MPND: variants seen among roughly 807,000 people sequenced by gnomAD.
MPND encodes MPN domain-containing protein.
MPND carries 56 observed loss-of-function variants against 59.2 expected under a neutral mutation model. The observed-to-expected ratio is 0.95, with a 90% confidence interval of 0.76 to 1.18. The LOEUF (loss-of-function observed/expected upper bound fraction) is 1.18, where lower values mean the gene tolerates loss of function less well. Ranked by LOEUF, MPND falls within the 50% of genes most tolerant of loss-of-function variation. The pLI, the probability that MPND is intolerant of heterozygous loss-of-function variation, is 0.00. For synonymous variants in MPND, 323 were observed against 291.9 expected, an observed-to-expected ratio of 1.11 and a Z score of -1.09; for missense variants, 671 against 676.0, an observed-to-expected ratio of 0.99 and a Z score of 0.08.
intron 3 of MPND, among the ~76,000 whole-genome samples, chr19:4,346,598 G>T (rs1055218357): frequency 6.6e-6 from 1 of 151,920 alleles, no homozygotes; most frequent in Non-Finnish European, 1.5e-5. Context: ...TGGATTTTTA[G>T]AAGAGATGAG....
rs954278350 is a variant in MPND at position 4,343,605 on chromosome 19, G to C, written c.7+5G>C. On this transcript the variant is annotated splice_donor_5th_base_variant and intron_variant, in intron 1 of 12. Transcript: ENST00000599840. Reference sequence around the variant, plus strand: ...GGGGAGGCGCGGCCATGGCAGGTACGGCGGGCCCAGCGGGGCGGAGGCGCG... The same window carrying C: ...GGGGAGGCGCGGCCATGGCAGGTACCGCGGGCCCAGCGGGGCGGAGGCGCG... The C allele has an allele frequency of 3.4e-6, 4 of 1,171,806 alleles. No homozygotes were observed. The highest frequency in any genetic ancestry group is 4.2e-5 in the South Asian group (1 of 23,764). The allele number at this position is 1,171,806 out of a possible 1,614,324, so 72.6% of individuals were successfully genotyped here.
chr19:4,343,663 A>AGGGGCGCGGGGCTGCAGT, intron 1 of MPND, 45 bp from the exon 2 acceptor site: 2 of 731,628 alleles, frequency 2.7e-6, no homozygotes, highest in Non-Finnish European at 3.4e-6. Context: ...GGGGCTGCAG[A>AGGGGCGCGGGGCTGCAGT]GCCGTGGGGC....
chr19:4,359,040 G>A, intron 11 of MPND, 123 bp from the exon 12 acceptor site: 1 of 657,830 alleles, frequency 1.5e-6, no homozygotes, highest in Non-Finnish European at 2.7e-6. Flanking sequence ...TGATCTCTTT[G>A]TGGTTGGTTT....
Position 4,358,088 on chromosome 19 carries a change from G to T in MPND, c.1242G>T (p.Arg414Ser), listed in dbSNP as rs1247829515. 1.3e-6 allele frequency: 2 copies of T among 1,551,388 alleles called. No homozygotes were observed. The change falls in exon 11 of 13, where the codon AGG (arginine) becomes AGT (serine). Residue 414 changes from arginine to serine, a missense_variant. Transcript: ENST00000599840. The part of the protein sequence containing the change: ...PFWVMPPPEQ[R>S]PSDYGIPMDV... ...CTGGTCTGTGTCCCTGCCAGCAAAG[G>T]CCCAGTGACTATGGCATCCCCATGG...
chr19:4,356,098 C>G (rs1157640919), intron 8 of MPND, among the ~76,000 whole-genome samples: 2 of 151,790 alleles, frequency 1.3e-5, no homozygotes, highest in African/African-American at 4.8e-5. Flanking sequence ...GTGATCCACC[C>G]GCGTCAGCCT....
At chr19:4,357,005 A>G (rs190280384) in intron 8 of MPND, 274 of 406,160 alleles carry the variant, frequency 6.7e-4, no homozygotes, top group South Asian at 4.4e-3. Context: ...GGGCTACAGC[A>G]GTGAACAAAA....
At chr19:4,353,932 G>A in intron 4 of MPND, 113 bp from the exon 5 acceptor site, 3 of 876,766 alleles carry the variant, frequency 3.4e-6, no homozygotes, top group South Asian at 3.1e-5. Context: ...ATGCTCAAGC[G>A]ATCCTCCTGC....
At chr19:4,350,038 C>A (rs1205162044) in intron 3 of MPND, among the ~76,000 whole-genome samples, 3 of 149,262 alleles carry the variant, frequency 2.0e-5, no homozygotes, top group South Asian at 2.1e-4. Context: ...CAAAAAAAGT[C>A]AAAAATCCCT....
intron 3 of MPND, among the ~76,000 whole-genome samples, chr19:4,346,996 T>C (rs1020235427): frequency 6.6e-6 from 1 of 151,836 alleles, no homozygotes; most frequent in Non-Finnish European, 1.5e-5. Context: ...CACCACTGCA[T>C]TCCAGCCTGG....
At chr19:4,356,624 C>G (rs1160945168) in intron 8 of MPND, 1 of 149,296 alleles carries the variant, frequency 6.7e-6, no homozygotes, top group Non-Finnish European at 1.5e-5. Context: ...CTCATAAGTG[C>G]CAGTTGCTAT....
chr19:4,355,477 A>G (rs1972418052), intron 8 of MPND, among the ~76,000 whole-genome samples: 2 of 152,190 alleles, frequency 1.3e-5, no homozygotes, highest in Middle Eastern at 3.4e-3. Flanking sequence ...CTGGGACTAC[A>G]GGTGCCTGCC....
rs574496466 is a variant in MPND at position 4,353,102 on chromosome 19, T to C, written c.664+73T>C. 5.7e-5 allele frequency: 70 copies of C among 1,229,086 alleles called. No homozygotes were observed. The East Asian group carries it at 1.9e-3, about 33-fold the overall frequency. 76.1% of individuals were successfully genotyped at this position (1,229,086 alleles called of 1,614,324 possible). A position where few individuals can be genotyped will look rare whatever the true frequency, so the allele number is the denominator to read the frequency against. On this transcript the variant is annotated intron_variant, in intron 4 of 12. Coordinates refer to ENST00000599840, the MANE Select transcript of MPND (RefSeq NM_001300862.2). ...GGTTGGGGAGGAGACTGGGGAGAGG[T>C]TGGGCCTTGATCTTCTCCTAGGGCC...
chr19:4,343,681 C>T (rs373741270), intron 1 of MPND, 27 bp from the exon 2 acceptor site: 6 of 1,191,736 alleles, frequency 5.0e-6, no homozygotes, highest in East Asian at 3.5e-5. Context: ...GGCGAGCGGC[C>T]TCCCTGCAGC....
intron 3 of MPND, among the ~76,000 whole-genome samples, chr19:4,351,828 C>T (rs141061637): frequency 0.023 from 3,410 of 145,342 alleles, 135 homozygotes; most frequent in African/African-American, 0.084. Context: ...TGCCACTGCA[C>T]TCCAGCCTCG....
At chr19:4,350,433 G>C (rs1972290750) in intron 3 of MPND, among the ~76,000 whole-genome samples, 1 of 152,176 alleles carries the variant, frequency 6.6e-6, no homozygotes. Flanking sequence ...TCTGGTGGCT[G>C]CTGTGGGGAC....
intron 11 of MPND, chr19:4,358,496 CACTAA>C (rs1972496082): frequency 3.2e-6 from 1 of 311,236 alleles, no homozygotes. Context: ...GCATTTAAAA[CACTAA>C]ACTAAGGCAG....
In MPND at chr19:4,346,276, G is replaced by T. The variant is rs540534016; in HGVS notation, c.531+295G>T. On this transcript the variant is annotated intron_variant, in intron 3 of 12. Coordinates refer to ENST00000599840, the MANE Select transcript of MPND (RefSeq NM_001300862.2). Reference sequence around the variant, plus strand: ...ATGTAGACAAGAAGAAAGACCTGCTGGTGTCATGGGTGGCTGAGGGGGCTG... The same window carrying T: ...ATGTAGACAAGAAGAAAGACCTGCTTGTGTCATGGGTGGCTGAGGGGGCTG... Among the ~76,000 whole-genome samples the T allele has an allele frequency of 2.0e-5, 3 of 152,144 alleles. No individual in the cohort carries two copies. In the East Asian group the frequency reaches 5.8e-4, roughly 29 times the overall value.
intron 1 of MPND, 30 bp downstream of exon 1, chr19:4,343,630 G>A (rs943908170): frequency 8.8e-7 from 1 of 1,140,366 alleles, no homozygotes; most frequent in African/African-American, 2.1e-5. Context: ...GCGGAGGCGC[G>A]GGGCGCGGGG....
Position 4,360,065 on chromosome 19 carries a change from A to G in MPND, c.*63A>G. 2 of 1,435,358 alleles carry G rather than the reference A, an allele frequency of 1.4e-6. No homozygotes were observed. Among genetic ancestry groups the G allele is most frequent in the Non-Finnish European group, 1.9e-6 (2 of 1,048,578 alleles). 88.9% of individuals were successfully genotyped at this position (1,435,358 alleles called of 1,614,324 possible). A position where few individuals can be genotyped will look rare whatever the true frequency, so the allele number is the denominator to read the frequency against. ...GTCCGGATGGGCTCAGGTAATAAAG[A>G]AACGGAAGCAGCAGCCAGCCACGCT... On this transcript the variant is annotated 3_prime_UTR_variant, in exon 13 of 13. Coordinates refer to ENST00000599840, the MANE Select transcript of MPND (RefSeq NM_001300862.2).
Sources: allele counts gnomAD v4.1 joint callset (sites outside exome capture counted in the v4.1 genomes callset), GRCh38; gene constraint gnomAD v4.1.1; transcripts MANE v1.5; gene names NCBI Gene and HGNC (gene_info 2026-07-23, HGNC 2026-07-21).